The following GYS1 variants were observed in gnomAD, a reference collection of about 807,000 sequenced individuals.
GYS1 encodes glycogen [starch] synthase, muscle.
A neutral mutation model predicts 89.1 loss-of-function variants in GYS1; 60 were observed. That is an observed-to-expected ratio of 0.67 (90% CI 0.55 to 0.84). The LOEUF is 0.84. Ranked by LOEUF, GYS1 falls within the 40% of genes least tolerant of loss-of-function variation. The pLI is 0.00. For missense variants in GYS1, 888 were observed against 1,003.1 expected, an observed-to-expected ratio of 0.89 and a Z score of 1.55; for synonymous variants, 366 against 401.7, an observed-to-expected ratio of 0.91 and a Z score of 1.06.
intron 5 of GYS1, 90 bp downstream of exon 5, chr19:48,985,371 C>A: frequency 7.5e-7 from 1 of 1,330,122 alleles, no homozygotes; most frequent in Non-Finnish European, 1.1e-6. Flanking sequence ...TTTCAACTTA[C>A]AGTGGGCTTC....
chr19:48,970,014 C>T lies in GYS1; in HGVS notation c.1810-159G>A, dbSNP rs372150647. 4.6e-4 allele frequency among the ~76,000 whole-genome samples: 70 copies of T among 152,332 alleles called. No individual in the cohort carries two copies. In the South Asian group the frequency reaches 0.013, roughly 29 times the overall value. On this transcript the variant is annotated intron_variant, in intron 14 of 15. Coordinates refer to ENST00000323798, the MANE Select transcript of GYS1 (RefSeq NM_002103.5). ...TGACTCCACCCCTTATGTAGATAAG[C>T]AGACCTGTGAATGGACAGTTTCTGA...
Position 48,968,311 on chromosome 19 carries a change from T to C in GYS1, c.*977A>G, listed in dbSNP as rs2038492081. 1 of 453,916 alleles carries C rather than the reference T, an allele frequency of 2.2e-6. No homozygotes were observed. Among genetic ancestry groups the C allele is most frequent in the Admixed American group, 2.4e-5 (1 of 42,484 alleles). The allele number at this position is 453,916 out of a possible 1,614,324, so 28.1% of individuals were successfully genotyped here. ...GTTTGGGGATGGAAGAGCCTCGAGG[T>C]AAATGTGGGGGTTCTAGAACCCAGT... On this transcript the variant is annotated 3_prime_UTR_variant, in exon 16 of 16. Transcript: ENST00000323798.
At chr19:48,984,309 G>A (rs546907390) in intron 5 of GYS1, among the ~76,000 whole-genome samples, 1 of 151,466 alleles carries the variant, frequency 6.6e-6, no homozygotes, top group African/African-American at 2.4e-5. Flanking sequence ...GCCCAGCCAA[G>A]TTATGATTTT....
chr19:48,982,405 C>T (rs2038780183), intron 6 of GYS1, 30 bp from the exon 7 acceptor site: 1 of 1,613,380 alleles, frequency 6.2e-7, no homozygotes, highest in Non-Finnish European at 8.5e-7. Context: ...CGGTAAAGCC[C>T]AAAGCCCTCA....
At chr19:48,979,096 C>A (rs2038706473) in intron 8 of GYS1, among the ~76,000 whole-genome samples, 1 of 152,136 alleles carries the variant, frequency 6.6e-6, no homozygotes, top group Non-Finnish European at 1.5e-5. Context: ...AAAAAGTACA[C>A]ATGGCAAGCC....
In GYS1 at chr19:48,969,420, C is replaced by A. The variant is rs577126912; in HGVS notation, c.2082G>T (p.Pro694=). 6.5e-7 allele frequency: 1 copy of A among 1,547,650 alleles called. No homozygotes were observed. The highest frequency in any genetic ancestry group is 1.4e-5 in the African/African-American group (1 of 73,208). The change falls in exon 16 of 16, where the codon CCG becomes CCT. Residue 694 remains proline, a synonymous_variant. Transcript: ENST00000323798. ...DRRNIRAPEW[P]RRASCTSSTS... The stretch of plus-strand genomic sequence containing the variant: ...TGGAGGAGGTGCAGGACGCTCGGCG[C>A]GGCCACTCTGGTGCACGGATGTTGC...
intron 10 of GYS1, among the ~76,000 whole-genome samples, chr19:48,975,505 G>A (rs998879309): frequency 1.3e-5 from 2 of 152,038 alleles, no homozygotes; most frequent in Admixed American, 6.6e-5. Context: ...ACCTTGTTCT[G>A]TACTCTGGGC....
At position 48,971,037 on chromosome 19, in the gene GYS1, G is replaced by T; in HGVS notation, c.1550-14C>A. 1 of 1,578,194 alleles carries T rather than the reference G, an allele frequency of 6.3e-7. No homozygotes were observed. Among genetic ancestry groups the T allele is most frequent in the Non-Finnish European group, 8.7e-7 (1 of 1,147,176 alleles). On this transcript the variant is annotated splice_polypyrimidine_tract_variant and intron_variant, in intron 12 of 15. Coordinates refer to ENST00000323798, the MANE Select transcript of GYS1 (RefSeq NM_002103.5). ...CCGTGCACTCAGCTGCGGGAAGGCAGGAGAGAGACCCACTTAGCTTCCCTC... is the reference window on the plus strand; with the variant it reads ...CCGTGCACTCAGCTGCGGGAAGGCATGAGAGAGACCCACTTAGCTTCCCTC...
At position 48,970,912 on chromosome 19, in the gene GYS1, G is replaced by A. The variant is rs2122461958; in HGVS notation, c.1645+16C>T. 6.3e-7 allele frequency: 1 copy of A among 1,597,116 alleles called. No individual in the cohort carries two copies. On this transcript the variant is annotated intron_variant, in intron 13 of 15. Transcript: ENST00000323798. The stretch of plus-strand genomic sequence containing the variant: ...TCAAGCCCCCTTCCAGAATCCTCAG[G>A]GGCCTGGGCGCTGACCGTAAGCTGA...
chr19:48,986,686 A>T (rs1035692544), intron 3 of GYS1, among the ~76,000 whole-genome samples: 1 of 151,578 alleles, frequency 6.6e-6, no homozygotes, highest in Non-Finnish European at 1.5e-5. Flanking sequence ...ATTTTTTTGT[A>T]TGTTTAGTAA....
chr19:48,988,422 C>T (rs192644979), intron 2 of GYS1, among the ~76,000 whole-genome samples: 1 of 151,988 alleles, frequency 6.6e-6, no homozygotes, highest in African/African-American at 2.4e-5. Context: ...TAGCCTCAAC[C>T]TCCCTGGCTC....
intron 5 of GYS1, 134 bp from the exon 6 acceptor site, chr19:48,982,971 C>A: frequency 1.4e-6 from 1 of 720,534 alleles, no homozygotes; most frequent in Non-Finnish European, 2.5e-6. Flanking sequence ...TGAGGTCCCC[C>A]CTCCCACCTT....
At chr19:48,984,703 C>T (rs1600146365) in intron 5 of GYS1, among the ~76,000 whole-genome samples, 2 of 152,066 alleles carry the variant, frequency 1.3e-5, no homozygotes, top group South Asian at 2.1e-4. Context: ...CTATTCAACA[C>T]TTTATTATAA....
At position 48,981,523 on chromosome 19, in the gene GYS1, T is replaced by G. The variant is rs1426305164; in HGVS notation, c.1169+7A>C. ...CTGCGCCAGGGGCCGGAGCGAGGGC[T>G]GCTAACCAAAGCTGTTTGCGCACAG... On this transcript the variant is annotated splice_region_variant and intron_variant, in intron 8 of 15. Transcript: ENST00000323798. 2 of 1,550,124 alleles carry G rather than the reference T, an allele frequency of 1.3e-6. No homozygotes were observed. The highest frequency in any genetic ancestry group is 8.9e-7 in the Non-Finnish European group (1 of 1,121,514).
At chr19:48,992,137 G>A (rs1347556591) in intron 1 of GYS1, among the ~76,000 whole-genome samples, 1 of 151,986 alleles carries the variant, frequency 6.6e-6, no homozygotes, top group African/African-American at 2.4e-5. Context: ...AGGCCCTGGC[G>A]ATACCCGGCT....
intron 3 of GYS1, 50 bp from the exon 4 acceptor site, chr19:48,986,085 A>G: frequency 6.4e-7 from 1 of 1,558,234 alleles, no homozygotes; most frequent in Non-Finnish European, 8.8e-7. Context: ...TTGGGAAAAG[A>G]ATCGGCAATC....
chr19:48,974,810 C>A, intron 10 of GYS1, 77 bp from the exon 11 acceptor site: 1 of 1,003,068 alleles, frequency 1.0e-6, no homozygotes, highest in South Asian at 1.3e-5. Flanking sequence ...CCATGCGGAC[C>A]CTGGGGGAGC....
At position 48,981,640 on chromosome 19, in the gene GYS1, C is replaced by T. The variant is rs201159254; in HGVS notation, c.1063-4G>A. On this transcript the variant is annotated splice_region_variant and splice_polypyrimidine_tract_variant and intron_variant, in intron 7 of 15. Transcript: ENST00000323798. ...CTGTCTGCTCGCTGCCGTTCACCTG[C>T]GCAGAAAGAAAGGAGGGGGAGGCCA... is the stretch of plus-strand genomic sequence containing the variant. 1.9e-5 allele frequency: 30 copies of T among 1,596,366 alleles called. No homozygotes were observed. The East Asian group carries it at 3.8e-4, about 20-fold the overall frequency.
chr19:48,982,211 C>A (rs759630932), intron 7 of GYS1, 44 bp downstream of exon 7: 8 of 1,607,272 alleles, frequency 5.0e-6, no homozygotes, highest in Non-Finnish European at 6.8e-6. Flanking sequence ...TAGTTATAAA[C>A]TGCTTTGCTT....
Sources: allele counts gnomAD v4.1 joint callset (sites outside exome capture counted in the v4.1 genomes callset), GRCh38; gene constraint gnomAD v4.1.1; transcripts MANE v1.5; gene names NCBI Gene and HGNC (gene_info 2026-07-23, HGNC 2026-07-21).